Variants in COL9A1 observed in about 807,000 individuals in gnomAD.
COL9A1 encodes the protein collagen alpha-1(IX) chain.
In COL9A1, 104 loss-of-function variants were observed where a neutral mutation model predicts 142.6. The observed-to-expected ratio is 0.73, with a 90% CI of 0.62 to 0.86. The LOEUF (loss-of-function observed/expected upper bound fraction) is 0.86, where lower values mean the gene tolerates loss of function less well. Ranked by LOEUF, COL9A1 falls within the 40% of genes least tolerant of loss-of-function variation. COL9A1 has a pLI of 0.00. For synonymous variants in COL9A1, 466 were observed against 396.0 expected, an observed-to-expected ratio of 1.18 and a Z score of -2.10; for missense variants, 1,210 against 1,176.6, an observed-to-expected ratio of 1.03 and a Z score of -0.42.
chr6:70,252,887 A>T (rs541632898), intron 26 of COL9A1, among the ~76,000 whole-genome samples: 18 of 152,206 alleles, frequency 1.2e-4, no homozygotes, highest in African/African-American at 3.9e-4. Flanking sequence ...TCTCTATGTT[A>T]TTCACCTTTT....
downstream of COL9A1, chr6:70,215,559 A>G (rs183771866): frequency 3.3e-5 from 5 of 152,394 alleles, no homozygotes; most frequent in African/African-American, 4.8e-5. Flanking sequence ...AGTTAAGTAG[A>G]TGTTAATGAA....
chr6:70,272,065 A>G lies in COL9A1; in HGVS notation c.1089T>C (p.Pro363=), dbSNP rs781437818. The G allele has an allele frequency of 1.9e-6, 3 of 1,612,004 alleles. No individual in the cohort carries two copies. Among genetic ancestry groups the G allele is most frequent in the Non-Finnish European group, 1.7e-6 (2 of 1,178,410 alleles). The change falls in exon 13 of 38, where the codon CCT becomes CCC. Residue 363 remains proline, a splice_region_variant and synonymous_variant. Transcript: ENST00000357250. ...AAATAAATGATGAAGTGATACTTAC[A>G]GGGGGTCCAGGAATACCACGGCCCT... ...GFPGRGIPGP[P]GPPGTAGLPG...
chr6:70,287,157 G>T (rs2127601615), intron 5 of COL9A1, among the ~76,000 whole-genome samples: 1 of 152,226 alleles, frequency 6.6e-6, no homozygotes, highest in Non-Finnish European at 1.5e-5. Flanking sequence ...TATAAGCAGA[G>T]ACACGGAGGG....
intron 10 of COL9A1, 29 bp downstream of exon 10, chr6:70,280,783 G>A: frequency 6.2e-7 from 1 of 1,604,196 alleles, no homozygotes; most frequent in Non-Finnish European, 8.5e-7. Context: ...ACCCCAGGCT[G>A]GGCGCCCTCC....
chr6:70,288,222 G>C lies in COL9A1; in HGVS notation c.697-4402C>G, dbSNP rs573668129. ...ATACTTCCAATTACTCGCGCCTAAA[G>C]TAATGGTGTCATCTTTGATTCCTCT... On this transcript the variant is annotated intron_variant, in intron 5 of 37. Coordinates refer to ENST00000357250, the MANE Select transcript of COL9A1 (RefSeq NM_001851.6). 3.3e-5 allele frequency among the ~76,000 whole-genome samples: 5 copies of C among 152,284 alleles called. No individual in the cohort carries two copies. The East Asian group carries it at 9.7e-4, about 29-fold the overall frequency.
chr6:70,282,960 T>G, intron 6 of COL9A1, 42 bp from the exon 7 acceptor site: 3 of 1,614,078 alleles, frequency 1.9e-6, no homozygotes, highest in Non-Finnish European at 2.5e-6. Context: ...AAAGCACCCC[T>G]CAAACTCGAT....
chr6:70,293,659 A>ACT (rs1773738770), intron 5 of COL9A1, among the ~76,000 whole-genome samples: 1 of 151,450 alleles, frequency 6.6e-6, no homozygotes, highest in Non-Finnish European at 1.5e-5. Flanking sequence ...ACACACACAC[A>ACT]CACACACACA....
At chr6:70,296,392 G>T (rs1024607714) in intron 4 of COL9A1, among the ~76,000 whole-genome samples, 2 of 151,744 alleles carry the variant, frequency 1.3e-5, no homozygotes, top group African/African-American at 4.8e-5. Context: ...TATCCCTCAA[G>T]TGTACATTTT....
At chr6:70,215,099 C>T (rs1274917269), downstream of COL9A1, 1 of 151,826 alleles carries the variant, frequency 6.6e-6, no homozygotes, top group Admixed American at 6.6e-5. Context: ...GTCACAGCTC[C>T]TGAAAAAGTT....
intron 33 of COL9A1, among the ~76,000 whole-genome samples, chr6:70,236,825 T>C (rs7759109): frequency 0.36 from 54,580 of 149,718 alleles, 11,867 homozygotes; most frequent in Non-Finnish European, 0.51. Flanking sequence ...AACAACTTCT[T>C]TTTTTTTTTT....
At chr6:70,270,461 A>G in intron 14 of COL9A1, 94 bp from the exon 15 acceptor site, 2 of 1,181,962 alleles carry the variant, frequency 1.7e-6, no homozygotes, top group Non-Finnish European at 2.4e-6. Flanking sequence ...TATTACTGGA[A>G]ACCCCCACCG....
In COL9A1 at chr6:70,232,729, G is replaced by A; in HGVS notation, c.2357C>T (p.Ser786Leu). The change falls in exon 36 of 38, where the codon TCA becomes TTA. Residue 786 changes from serine to leucine, a missense_variant. Transcript: ENST00000357250. ...CCTTCCAGGAAGCCCAGTGGCACCT[G>A]AGTCTGGACGCTTAAGACTGGCAGC... Reference protein sequence around the residue: ...EMAASLKRPDSGATGLPGRPG... With the variant: ...EMAASLKRPDLGATGLPGRPG... 2 of 1,613,896 alleles carry A rather than the reference G, an allele frequency of 1.2e-6. No homozygotes were observed. Among genetic ancestry groups the A allele is most frequent in the Non-Finnish European group, 1.7e-6 (2 of 1,179,974 alleles).
intron 28 of COL9A1, among the ~76,000 whole-genome samples, chr6:70,250,741 G>T (rs116586621): frequency 2.0e-5 from 3 of 152,112 alleles, no homozygotes; most frequent in Non-Finnish European, 4.4e-5. Flanking sequence ...TGGCTATTCC[G>T]CAGCCTTTGA....
intron 28 of COL9A1, among the ~76,000 whole-genome samples, chr6:70,249,368 AC>A (rs1770791904): frequency 6.6e-6 from 1 of 152,204 alleles, no homozygotes; most frequent in Non-Finnish European, 1.5e-5. Flanking sequence ...GATGTGAGAC[AC>A]CCTGCCATGT....
chr6:70,227,424 TAAAAAAAAAAAAAAA>T (rs11407353), intron 36 of COL9A1, among the ~76,000 whole-genome samples: 1 of 50,046 alleles, frequency 2.0e-5, no homozygotes, highest in Non-Finnish European at 3.4e-5. Context: ...ATGCAAATTG[TAAAAAAAAAAAAAAA>T]AAAAAAAAAG....
intron 26 of COL9A1, among the ~76,000 whole-genome samples, chr6:70,252,728 G>C (rs2138659): frequency 1.3e-5 from 2 of 151,882 alleles, no homozygotes; most frequent in Non-Finnish European, 2.9e-5. Flanking sequence ...GGGGAAATAG[G>C]ATATGCTGCT....
chr6:70,268,826 T>A lies in COL9A1; in HGVS notation c.1265A>T (p.Tyr422Phe), dbSNP rs1772205994. 1 of 1,613,824 alleles carries A rather than the reference T, an allele frequency of 6.2e-7. No homozygotes were observed. The highest frequency in any genetic ancestry group is 1.3e-5 in the African/African-American group (1 of 74,904). Reference protein sequence around the residue: ...PNACPPGRSGYPGLPGMRGHK... With the variant: ...PNACPPGRSGFPGLPGMRGHK... ...TACCCTCATGCCTGGTAGGCCTGGA[T>A]ATCCTGAGCGACCTGGTGGACAGGC... Residue 422 changes from tyrosine to phenylalanine, a missense_variant, in exon 17 of 38, where the codon TAT (tyrosine) becomes TTT (phenylalanine). Coordinates refer to ENST00000357250, the MANE Select transcript of COL9A1 (RefSeq NM_001851.6).
rs533019895 is a variant in COL9A1, at chr6:70,241,182, C to G, written c.2034+237G>C. Among the ~76,000 whole-genome samples the G allele has an allele frequency of 4.6e-5, 7 of 152,286 alleles. No individual in the cohort carries two copies. In the East Asian group the frequency reaches 1.4e-3, roughly 29 times the overall value. On this transcript the variant is annotated intron_variant, in intron 31 of 37. Coordinates refer to ENST00000357250, the MANE Select transcript of COL9A1 (RefSeq NM_001851.6). ...GAACCAGAGACAGAGCCACGCTCTT[C>G]AAAGGAAAGACAGTGTGCAGTCCTG...
At chr6:70,270,170 C>A (rs1041834960) in intron 15 of COL9A1, 144 bp downstream of exon 15, 5 of 752,334 alleles carry the variant, frequency 6.6e-6, no homozygotes, top group African/African-American at 1.7e-5. Flanking sequence ...AGAACCATGC[C>A]CTTGAGTGCA....
Sources: gnomAD v4.1 joint callset for allele counts (sites outside exome capture counted in the v4.1 genomes callset) on GRCh38, gnomAD v4.1.1 for gene constraint, MANE v1.5 for transcripts, NCBI Gene and HGNC (gene_info 2026-07-23, HGNC 2026-07-21) for gene names.